ATG10: variants seen among roughly 807,000 people sequenced by gnomAD.
ATG10 encodes ubiquitin-like-conjugating enzyme ATG10.
ATG10 carries 30 observed loss-of-function variants against 32.1 expected under a neutral mutation model. That is an observed-to-expected ratio of 0.94 (90% CI 0.70 to 1.27). ATG10 has a LOEUF of 1.27. Ranked by LOEUF, ATG10 falls within the 50% of genes most tolerant of loss-of-function variation. The pLI, the probability that ATG10 is intolerant of heterozygous loss-of-function variation, is 0.00. For missense variants in ATG10, 233 were observed against 262.3 expected (o/e 0.89, Z 0.77); for synonymous variants, 87 against 91.5 (o/e 0.95, Z 0.28).
intron 2 of ATG10, among the ~76,000 whole-genome samples, chr5:82,011,928 A>C (rs1046123032): frequency 1.3e-5 from 2 of 152,094 alleles, no homozygotes; most frequent in African/African-American, 2.4e-5. Flanking sequence ...CCCTATTACT[A>C]TTCCTATTAT....
At chr5:82,071,148 A>C (rs372937753) in intron 3 of ATG10, among the ~76,000 whole-genome samples, 1 of 152,136 alleles carries the variant, frequency 6.6e-6, no homozygotes, top group Admixed American at 6.6e-5. Flanking sequence ...AGGTCAACCT[A>C]TGTAAATCAA....
At chr5:81,981,721 A>G (rs943711153) in intron 1 of ATG10, among the ~76,000 whole-genome samples, 1 of 152,224 alleles carries the variant, frequency 6.6e-6, no homozygotes, top group Non-Finnish European at 1.5e-5. Context: ...TAGTCCTATT[A>G]TGACTTTGAT....
At chr5:82,179,892 A>G (rs1287511177) in intron 5 of ATG10, among the ~76,000 whole-genome samples, 15 of 152,042 alleles carry the variant, frequency 9.9e-5, no homozygotes, top group Admixed American at 9.8e-4. Flanking sequence ...TTAATTGAGG[A>G]CAAAACTAGC....
chr5:82,121,350 G>A (rs550652882), intron 3 of ATG10, among the ~76,000 whole-genome samples: 53 of 152,310 alleles, frequency 3.5e-4, no homozygotes, highest in African/African-American at 1.3e-3. Context: ...TCAGCTGAAG[G>A]AGGTTTTGGA....
At chr5:81,984,420 A>G (rs1581566497) in intron 1 of ATG10, among the ~76,000 whole-genome samples, 1 of 151,980 alleles carries the variant, frequency 6.6e-6, no homozygotes, top group Non-Finnish European at 1.5e-5. Flanking sequence ...GACCGTGGGG[A>G]GAGGGAGAGG....
intron 5 of ATG10, among the ~76,000 whole-genome samples, chr5:82,179,826 A>T (rs192514563): frequency 6.6e-6 from 1 of 152,154 alleles, no homozygotes; most frequent in East Asian, 1.9e-4. Context: ...CCCAATCAAC[A>T]TAAGAATCCT....
At chr5:82,038,361 A>T (rs1380945836) in intron 2 of ATG10, among the ~76,000 whole-genome samples, 1 of 152,206 alleles carries the variant, frequency 6.6e-6, no homozygotes, top group Non-Finnish European at 1.5e-5. Context: ...GTGGCCCCAT[A>T]GTGTTTACTA....
At chr5:82,220,959 T>C (rs749233201) in intron 5 of ATG10, among the ~76,000 whole-genome samples, 5 of 152,042 alleles carry the variant, frequency 3.3e-5, no homozygotes, top group African/African-American at 4.8e-5. Flanking sequence ...GGTTTCACCA[T>C]ATTGGCCAGG....
intron 3 of ATG10, among the ~76,000 whole-genome samples, chr5:82,095,057 T>C (rs1765009005): frequency 6.6e-6 from 1 of 152,168 alleles, no homozygotes; most frequent in Non-Finnish European, 1.5e-5. Flanking sequence ...ATGTATAGCT[T>C]TTATAGTCAG....
chr5:82,088,340 CAG>C (rs1048949387), intron 3 of ATG10, among the ~76,000 whole-genome samples: 1 of 151,982 alleles, frequency 6.6e-6, no homozygotes, highest in African/African-American at 2.4e-5. Flanking sequence ...ATTTTGGATA[CAG>C]AGAGAGTTAT....
chr5:82,052,622 T>C (rs980109121), intron 2 of ATG10, among the ~76,000 whole-genome samples: 1 of 152,220 alleles, frequency 6.6e-6, no homozygotes, highest in Non-Finnish European at 1.5e-5. Context: ...CCCTTCTACT[T>C]TCCTTACTCA....
chr5:82,123,760 T>G (rs1009940573), intron 3 of ATG10, among the ~76,000 whole-genome samples: 1 of 98,830 alleles, frequency 1.0e-5, no homozygotes, highest in Admixed American at 1.1e-4. Flanking sequence ...AGACACTGTC[T>G]GTACAAAAAA....
At chr5:82,070,479 A>G (rs545483066) in intron 3 of ATG10, among the ~76,000 whole-genome samples, 54 of 152,292 alleles carry the variant, frequency 3.5e-4, no homozygotes, top group African/African-American at 1.3e-3. Context: ...GGGGAAAAAT[A>G]TCAATGTAAC....
intron 3 of ATG10, among the ~76,000 whole-genome samples, chr5:82,139,906 C>CT: frequency 7.3e-6 from 1 of 136,164 alleles, no homozygotes; most frequent in Non-Finnish European, 1.6e-5. Flanking sequence ...GTCAGCCCCC[C>CT]GCCTGGCCAG....
chr5:82,078,091 G>A (rs143347604), intron 3 of ATG10, among the ~76,000 whole-genome samples: 181 of 152,256 alleles, frequency 1.2e-3, no homozygotes, highest in African/African-American at 4.2e-3. Flanking sequence ...GTTGATTGAA[G>A]GTTCTTTAAT....
At chr5:82,121,422 TCCCTCTCTTC>T (rs1286823515) in intron 3 of ATG10, among the ~76,000 whole-genome samples, 5 of 152,226 alleles carry the variant, frequency 3.3e-5, no homozygotes, top group Non-Finnish European at 7.3e-5. Flanking sequence ...ATGATTTGAC[TCCCTCTCTTC>T]CTATTAAGAT....
At chr5:82,172,182 C>T (rs2149912523) in intron 4 of ATG10, among the ~76,000 whole-genome samples, 1 of 152,184 alleles carries the variant, frequency 6.6e-6, no homozygotes, top group African/African-American at 2.4e-5. Context: ...TGATGGGGAC[C>T]ACTAGTAATA....
intron 3 of ATG10, among the ~76,000 whole-genome samples, chr5:82,096,681 C>T (rs981092926): frequency 1.5e-4 from 23 of 152,172 alleles, no homozygotes; most frequent in Admixed American, 1.4e-3. Context: ...CTGATATTGG[C>T]ATCCTGGTGA....
At chr5:82,187,447 A>G (rs1744494034) in intron 5 of ATG10, among the ~76,000 whole-genome samples, 1 of 144,798 alleles carries the variant, frequency 6.9e-6, no homozygotes, top group African/African-American at 2.6e-5. Flanking sequence ...CGGGAAGCAG[A>G]GGTTGCAGTG....
Sources: gnomAD v4.1 joint callset for allele counts (sites outside exome capture counted in the v4.1 genomes callset) on GRCh38, gnomAD v4.1.1 for gene constraint, MANE v1.5 for transcripts, NCBI Gene and HGNC (gene_info 2026-07-23, HGNC 2026-07-21) for gene names.